The following CTRB2 variants were observed in gnomAD, a reference collection of about 807,000 sequenced individuals.
The protein encoded by CTRB2 is chymotrypsinogen B2.
CTRB2 carries 9 observed loss-of-function variants against 19.3 expected under a neutral mutation model. That is an observed-to-expected ratio of 0.47 (90% CI 0.28 to 0.81). The LOEUF is 0.81. Among genes scored for constraint, CTRB2 ranks in the 40% least tolerant of loss-of-function variants. The pLI is 0.11. For missense variants in CTRB2, 210 were observed against 269.7 expected, an observed-to-expected ratio of 0.78 and a Z score of 1.55; for synonymous variants, 98 against 117.3, an observed-to-expected ratio of 0.84 and a Z score of 1.06.
Position 75,207,116 on chromosome 16 carries a change from C to G in CTRB2, c.26G>C (p.Cys9Ser). 3 of 1,558,528 alleles carry G rather than the reference C, an allele frequency of 1.9e-6. No homozygotes were observed. The highest frequency in any genetic ancestry group is 2.6e-6 in the Non-Finnish European group (3 of 1,150,302). The change falls in exon 1 of 7, where the codon TGC becomes TCC. Residue 9 changes from cysteine to serine, a missense_variant. This residue lies in a region of CTRB2 where 57 missense variants were observed against 72.6 expected (regional missense o/e 0.79). Coordinates refer to ENST00000303037, the MANE Select transcript of CTRB2 (RefSeq NM_001025200.4). ...GAAGGTGGTACCCAGGAGGGCCCAG[C>G]AGGAGAGGAGCCAGAGGAAAGCCAT... Reference protein sequence around the residue: MAFLWLLSCWALLGTTFGC... With the variant: MAFLWLLSSWALLGTTFGC...
rs770698393 is a variant in CTRB2, at chr16:75,207,084, A to G, written c.52+6T>C. 2 of 1,553,944 alleles carry G rather than the reference A, an allele frequency of 1.3e-6. No homozygotes were observed. The highest frequency in any genetic ancestry group is 2.4e-5 in the East Asian group (1 of 41,678). ...CCCTTCGGCCTCCGCAGGGCCTGGC[A>G]CTCACCGAAGGTGGTACCCAGGAGG... On this transcript the variant is annotated splice_donor_region_variant and intron_variant, in intron 1 of 6. Transcript: ENST00000303037.
chr16:75,207,012 C>G (rs2038903831), intron 1 of CTRB2, 78 bp downstream of exon 1: 2 of 1,359,044 alleles, frequency 1.5e-6, no homozygotes, highest in East Asian at 2.5e-5. Flanking sequence ...GGAGCTGGGA[C>G]CCTGCTGCCT....
In CTRB2 at chr16:75,207,101, C is replaced by G. The variant is rs972401834; in HGVS notation, c.41G>C (p.Gly14Ala). 2.6e-6 allele frequency: 4 copies of G among 1,556,778 alleles called. No homozygotes were observed. In the African/African-American group the frequency reaches 5.4e-5, roughly 21 times the overall value. The stretch of plus-strand genomic sequence containing the variant: ...GGCCTGGCACTCACCGAAGGTGGTA[C>G]CCAGGAGGGCCCAGCAGGAGAGGAG... ...LWLLSCWALL[G>A]TTFGCGVPAI... The change falls in exon 1 of 7, where the codon GGT becomes GCT. Residue 14 changes from glycine to alanine, a missense_variant. Around this residue, in one of 4 missense-constraint regions of CTRB2, gnomAD observed 57 missense variants for 72.6 expected, o/e 0.79. Coordinates refer to ENST00000303037, the MANE Select transcript of CTRB2 (RefSeq NM_001025200.4).
In CTRB2 at chr16:75,206,093, C is replaced by T; in HGVS notation, c.153G>A (p.Leu51=). ...CCACCTTGCAGAACCCCCTCACCTG[C>T]AGGGACACCTGCCAGGGCCAGGAGC... The part of the protein sequence containing the change: ...VPGSWPWQVS[L]QDKTGFHFCG... The change falls in exon 2 of 7, where the codon CTG becomes CTA. Residue 51 remains leucine, a synonymous_variant. Transcript: ENST00000303037. 6.6e-7 allele frequency: 1 copy of T among 1,518,868 alleles called. No individual in the cohort carries two copies. The highest frequency in any genetic ancestry group is 8.9e-7 in the Non-Finnish European group (1 of 1,125,396). The allele number at this position is 1,518,868 out of a possible 1,614,324, so 94.1% of individuals were successfully genotyped here. A position where few individuals can be genotyped will look rare whatever the true frequency, so the allele number is the denominator to read the frequency against.
At chr16:75,204,370 G>A (rs373115743) in intron 6 of CTRB2, 48 bp from the exon 7 acceptor site, 245 of 1,586,968 alleles carry the variant, frequency 1.5e-4, no homozygotes, top group Non-Finnish European at 1.9e-4. Context: ...GGGTGCCAGG[G>A]CCTAGGGGAC....
intron 1 of CTRB2, chr16:75,206,410 G>A (rs2038892812): frequency 3.4e-6 from 2 of 593,742 alleles, no homozygotes; most frequent in Non-Finnish European, 5.9e-6. Context: ...TGAGGAATGG[G>A]GTGTTGGCCC....
At chr16:75,206,993 G>C (rs1432056901) in intron 1 of CTRB2, 97 bp downstream of exon 1, 2 of 1,201,190 alleles carry the variant, frequency 1.7e-6, no homozygotes, top group East Asian at 5.1e-5. Flanking sequence ...GCGGTGCACA[G>C]CTGAACTGGG....
chr16:75,206,786 C>T (rs2038899147), intron 1 of CTRB2: 2 of 450,670 alleles, frequency 4.4e-6, no homozygotes, highest in South Asian at 2.0e-5. Flanking sequence ...TTCCCGAAGG[C>T]CTCAGGGCAG....
rs145233613 is a variant in CTRB2 at position 75,206,984 on chromosome 16, C to T, written c.52+106G>A. ...CGGTGACTCGCCCAGGCCCACACTG[C>T]GGTGCACAGCTGAACTGGGAGCTGG... On this transcript the variant is annotated intron_variant, in intron 1 of 6. Coordinates refer to ENST00000303037, the MANE Select transcript of CTRB2 (RefSeq NM_001025200.4). 7.6e-4 allele frequency: 822 copies of T among 1,083,816 alleles called. 3 individuals are homozygous for T. In the African/African-American group the frequency reaches 0.011, roughly 14 times the overall value. The allele number at this position is 1,083,816 out of a possible 1,614,324, so 67.1% of individuals were successfully genotyped here.
intron 1 of CTRB2, chr16:75,206,617 G>T: frequency 3.3e-6 from 1 of 305,162 alleles, no homozygotes; most frequent in Non-Finnish European, 6.2e-6. Context: ...CAGGCAGAGC[G>T]CCAGCTCTGC....
chr16:75,204,136 G>T lies in CTRB2; in HGVS notation c.*25C>A. On this transcript the variant is annotated 3_prime_UTR_variant, in exon 7 of 7. Transcript: ENST00000303037. ...AGATGCATTTAATGGGAAATCTTAA[G>T]GCAGGGGTGGCAGGAGCTGCGGGCT... 3.7e-6 allele frequency: 6 copies of T among 1,614,052 alleles called. No homozygotes were observed. The highest frequency in any genetic ancestry group is 5.1e-6 in the Non-Finnish European group (6 of 1,179,924).
intron 6 of CTRB2, 129 bp downstream of exon 6, chr16:75,204,644 C>T: frequency 6.6e-7 from 1 of 1,523,400 alleles, no homozygotes. Flanking sequence ...GGCTGTGACC[C>T]CAAGGCCTGG....
At position 75,204,873 on chromosome 16, in the gene CTRB2, G is replaced by A. The variant is rs1235720810; in HGVS notation, c.530C>T (p.Ala177Val). Residue 177 changes from alanine to valine, a missense_variant, in exon 6 of 7, where the codon GCC becomes GTC. Physicochemically the swap from Ala to Val is moderately conservative, Grantham distance 64. Transcript: ENST00000303037. Reference protein sequence around the residue: ...NKTPDKLQQAALPLLSNAECK... With the variant: ...NKTPDKLQQAVLPLLSNAECK... Reference sequence around the variant, plus strand: ...TTCGGCATTGGACAGGAGGGGCAGGGCTGCCTGCTGCAGCTTGTCAGGGGT... The same window carrying A: ...TTCGGCATTGGACAGGAGGGGCAGGACTGCCTGCTGCAGCTTGTCAGGGGT... 8.5e-7 allele frequency: 1 copy of A among 1,183,002 alleles called. No individual in the cohort carries two copies. Among genetic ancestry groups the A allele is most frequent in the African/African-American group, 1.7e-5 (1 of 58,846 alleles). 73.3% of individuals were successfully genotyped at this position (1,183,002 alleles called of 1,614,324 possible).
At chr16:75,206,516 G>A in intron 1 of CTRB2, 1 of 439,558 alleles carries the variant, frequency 2.3e-6, no homozygotes, top group Non-Finnish European at 4.1e-6. Flanking sequence ...TTTGAACCTG[G>A]CTCCCTCCCT....
chr16:75,206,323 G>A, intron 1 of CTRB2, 130 bp from the exon 2 acceptor site: 3 of 999,964 alleles, frequency 3.0e-6, no homozygotes, highest in South Asian at 3.4e-5. Context: ...TCTCTGAGAA[G>A]TTGGCCCTGG....
At chr16:75,204,528 T>TCTAAGCCGGGGCAC (rs1169203903) in intron 6 of CTRB2, among the ~76,000 whole-genome samples, 1 of 152,050 alleles carries the variant, frequency 6.6e-6, no homozygotes, top group Non-Finnish European at 1.5e-5. Context: ...GGCTTCCCTC[T>TCTAAGCCGGGGCAC]CTAAGCCGGG....
Position 75,204,866 on chromosome 16 carries a change from G to T in CTRB2, c.537C>A (p.Pro179=), listed in dbSNP as rs1326126981. The T allele has an allele frequency of 8.2e-7, 1 of 1,225,540 alleles. No individual in the cohort carries two copies. 75.9% of individuals were successfully genotyped at this position (1,225,540 alleles called of 1,614,324 possible). A position where few individuals can be genotyped will look rare whatever the true frequency, so the allele number is the denominator to read the frequency against. The change falls in exon 6 of 7, where the codon CCC becomes CCA. Residue 179 remains proline (P), a synonymous_variant. Transcript: ENST00000303037. ...TCTTGCATTCGGCATTGGACAGGAG[G>T]GGCAGGGCTGCCTGCTGCAGCTTGT... ...TPDKLQQAAL[P]LLSNAECKKS... is the part of the protein sequence containing the mutation.
chr16:75,206,631 T>A (rs1216534973), intron 1 of CTRB2: 1 of 301,134 alleles, frequency 3.3e-6, no homozygotes, highest in Non-Finnish European at 6.3e-6. Flanking sequence ...GCTCTGCGCC[T>A]GGCACCCGGG....
chr16:75,204,616 G>T, intron 6 of CTRB2, 157 bp downstream of exon 6: 1 of 1,420,350 alleles, frequency 7.0e-7, no homozygotes, highest in Non-Finnish European at 9.5e-7. Flanking sequence ...TGCATGGCCT[G>T]GAGGAACCCT....
Sources: gnomAD v4.1 joint callset for allele counts (sites outside exome capture counted in the v4.1 genomes callset) on GRCh38, gnomAD v4.1.1 for gene constraint, gnomAD v4.1.1 regional missense constraint, MANE v1.5 for transcripts, NCBI Gene and HGNC (gene_info 2026-07-23, HGNC 2026-07-21) for gene names.